Variants in ADGRL2 observed in about 807,000 individuals in gnomAD.
The protein encoded by ADGRL2 is calcium-independent alpha-latrotoxin receptor 2.
Under a neutral mutation model 157.4 loss-of-function variants are expected in ADGRL2, and 44 were observed. The observed-to-expected ratio is 0.28, with a 90% CI of 0.22 to 0.36. The LOEUF (loss-of-function observed/expected upper bound fraction) is 0.36. Ranked by LOEUF, ADGRL2 falls within the 10% of genes least tolerant of loss-of-function variation. The pLI is 1.00. For synonymous variants in ADGRL2, 585 were observed against 624.7 expected (o/e 0.94, Z 0.95); for missense variants, 1,510 against 1,768.9 (o/e 0.85, Z 2.63).
chr1:81,693,176 T>C (rs1480623369), intron 3 of ADGRL2, among the ~76,000 whole-genome samples: 1 of 152,138 alleles, frequency 6.6e-6, no homozygotes, highest in East Asian at 1.9e-4. Flanking sequence ...CTTCTCACAA[T>C]TGCCCAAGAG....
intron 3 of ADGRL2, among the ~76,000 whole-genome samples, chr1:81,606,688 A>G (rs1055315891): frequency 3.4e-4 from 52 of 151,756 alleles, no homozygotes; most frequent in African/African-American, 1.2e-3. Context: ...TGTCTCTCAC[A>G]CACATACACC....
intron 3 of ADGRL2, among the ~76,000 whole-genome samples, chr1:81,592,452 C>G (rs1003336766): frequency 2.0e-5 from 3 of 152,148 alleles, no homozygotes; most frequent in African/African-American, 7.2e-5. Context: ...CTATATGATG[C>G]CAGGGACTAA....
chr1:81,794,443 A>G (rs1486354467), intron 2 of ADGRL2, among the ~76,000 whole-genome samples: 3 of 152,218 alleles, frequency 2.0e-5, no homozygotes, highest in Non-Finnish European at 4.4e-5. Context: ...CATTCGAAGA[A>G]TATATTATCC....
chr1:81,419,505 G>T (rs1412462189), intron 1 of ADGRL2, among the ~76,000 whole-genome samples: 1 of 152,150 alleles, frequency 6.6e-6, no homozygotes, highest in Admixed American at 6.5e-5. Flanking sequence ...ATTGCACCTG[G>T]CCATTCTTTA....
intron 1 of ADGRL2, among the ~76,000 whole-genome samples, chr1:81,810,100 T>G (rs2089669620): frequency 6.6e-6 from 1 of 151,948 alleles, no homozygotes; most frequent in Non-Finnish European, 1.5e-5. Context: ...TTGAAGATGA[T>G]AGTAAATAGT....
intron 1 of ADGRL2, among the ~76,000 whole-genome samples, chr1:81,815,185 T>C (rs36062964): frequency 0.14 from 20,760 of 151,812 alleles, 1,615 homozygotes; most frequent in East Asian, 0.2. Context: ...TAATTTTTAG[T>C]GCTCTTTAAA....
intron 2 of ADGRL2, among the ~76,000 whole-genome samples, chr1:81,513,023 T>C (rs910362040): frequency 2.6e-5 from 4 of 152,184 alleles, no homozygotes; most frequent in African/African-American, 9.6e-5. Flanking sequence ...TGTTCTAATG[T>C]ATTTGTGAGT....
chr1:81,859,107 T>C (rs761069980), intron 2 of ADGRL2, among the ~76,000 whole-genome samples: 20 of 152,176 alleles, frequency 1.3e-4, no homozygotes, highest in Non-Finnish European at 2.5e-4. Flanking sequence ...CTATTAAAGA[T>C]TGAAAATAAT....
At chr1:81,616,639 T>A (rs1047031891) in intron 3 of ADGRL2, among the ~76,000 whole-genome samples, 2 of 147,222 alleles carry the variant, frequency 1.4e-5, no homozygotes, top group African/African-American at 5.0e-5. Context: ...CACTTCTAGT[T>A]TTTTGGGTTT....
intron 1 of ADGRL2, chr1:81,427,306 C>T: frequency 2.8e-6 from 2 of 723,912 alleles, no homozygotes; most frequent in Non-Finnish European, 5.0e-6. Flanking sequence ...GCGATGGTGG[C>T]AACTATGACA....
At chr1:81,386,350 T>C (rs1034078837) in intron 1 of ADGRL2, among the ~76,000 whole-genome samples, 11 of 152,166 alleles carry the variant, frequency 7.2e-5, no homozygotes, top group African/African-American at 2.7e-4. Flanking sequence ...AGGTAACAAT[T>C]GAATTGGTTT....
chr1:81,698,804 G>T (rs1001775933), upstream of ADGRL2, among the ~76,000 whole-genome samples: 3 of 151,988 alleles, frequency 2.0e-5, no homozygotes, highest in African/African-American at 7.3e-5. Context: ...TATAATTTTG[G>T]CATGTTTCTA....
intron 2 of ADGRL2, among the ~76,000 whole-genome samples, chr1:81,883,563 A>C (rs1204578166): frequency 1.3e-5 from 2 of 152,210 alleles, no homozygotes; most frequent in South Asian, 4.1e-4. Context: ...TTTAAGCAAT[A>C]AATTTCATAC....
intron 1 of ADGRL2, among the ~76,000 whole-genome samples, chr1:81,390,477 T>C (rs1250720533): frequency 6.6e-6 from 1 of 152,306 alleles, no homozygotes; most frequent in Non-Finnish European, 1.5e-5. Flanking sequence ...CATGTATAGA[T>C]ATGCAATTTC....
At chr1:81,655,671 G>A (rs1176534068) in intron 3 of ADGRL2, among the ~76,000 whole-genome samples, 1 of 151,852 alleles carries the variant, frequency 6.6e-6, no homozygotes, top group Admixed American at 6.6e-5. Flanking sequence ...CTCCTCAGTG[G>A]TGATCTCAGC....
intron 2 of ADGRL2, among the ~76,000 whole-genome samples, chr1:81,512,383 A>G (rs1025853789): frequency 2.0e-5 from 3 of 152,222 alleles, no homozygotes; most frequent in Non-Finnish European, 2.9e-5. Flanking sequence ...TAATTGTGGT[A>G]TGGATTCCCA....
At chr1:81,366,389 G>T (rs950363314) in intron 1 of ADGRL2, among the ~76,000 whole-genome samples, 1 of 151,986 alleles carries the variant, frequency 6.6e-6, no homozygotes. Flanking sequence ...AATATTTATA[G>T]CAACATGCCA....
chr1:81,946,723 T>TA (rs1423065237), intron 6 of ADGRL2, among the ~76,000 whole-genome samples: 2 of 152,110 alleles, frequency 1.3e-5, no homozygotes, highest in East Asian at 3.9e-4. Flanking sequence ...CTTCCGGAAA[T>TA]ACCTTTTCAC....
chr1:81,881,053 G>C (rs1193489720), intron 2 of ADGRL2, among the ~76,000 whole-genome samples: 1 of 152,206 alleles, frequency 6.6e-6, no homozygotes, highest in African/African-American at 2.4e-5. Context: ...TTTATATGTG[G>C]AAGTGTGAAA....
Sources: allele counts gnomAD v4.1 joint callset (sites outside exome capture counted in the v4.1 genomes callset), GRCh38; gene constraint gnomAD v4.1.1; transcripts MANE v1.5; gene names NCBI Gene and HGNC (gene_info 2026-07-23, HGNC 2026-07-21).